The following CLASP2 variants were observed in gnomAD, a reference collection of about 807,000 sequenced individuals.
The protein encoded by CLASP2 is cytoplasmic linker associated protein 2.
CLASP2 carries 47 observed loss-of-function variants against 194.4 expected under a neutral mutation model. The observed-to-expected ratio is 0.24, with a 90% confidence interval of 0.19 to 0.31. The LOEUF (loss-of-function observed/expected upper bound fraction) is 0.31. CLASP2 is among the 10% of genes least tolerant of loss of function. The pLI, the probability that CLASP2 is intolerant of heterozygous loss-of-function variation, is 1.00. For missense variants in CLASP2, 1,445 were observed against 1,823.6 expected (o/e 0.79, Z 3.78); for synonymous variants, 619 against 633.5 (o/e 0.98, Z 0.34).
At chr3:33,684,305 C>G in intron 6 of CLASP2, 54 bp downstream of exon 6, 1 of 961,414 alleles carries the variant, frequency 1.0e-6, no homozygotes. Flanking sequence ...AAAATGAAAA[C>G]TTTTAAAACT....
In CLASP2 at chr3:33,607,452, G is replaced by A. The variant is rs374675164; in HGVS notation, c.1458C>T (p.Ala486=). 47 of 1,605,436 alleles carry A rather than the reference G, an allele frequency of 2.9e-5. No homozygotes were observed. Among genetic ancestry groups the A allele is most frequent in the African/African-American group, 1.6e-4 (12 of 74,780 alleles). Residue 486 remains alanine, a synonymous_variant, in exon 15 of 39, where the codon GCC becomes GCT. Transcript: ENST00000682230. The part of the protein sequence containing the change: ...WQTHSLERHA[A]VLVETIKKGI... Reference sequence around the variant, plus strand: ...CCTTTTTAATAGTTTCAACCAAGACGGCTGCATGTCTATAAAATAAAATAC... The same window carrying A: ...CCTTTTTAATAGTTTCAACCAAGACAGCTGCATGTCTATAAAATAAAATAC...
intron 1 of CLASP2, among the ~76,000 whole-genome samples, chr3:33,708,526 A>G (rs899071357): frequency 2.1e-4 from 19 of 91,108 alleles, no homozygotes; most frequent in Admixed American, 3.2e-4. Flanking sequence ...GTATATATGT[A>G]TATATATATG....
chr3:33,600,268 A>G (rs1235053156), intron 18 of CLASP2, among the ~76,000 whole-genome samples: 1 of 152,170 alleles, frequency 6.6e-6, no homozygotes, highest in East Asian at 1.9e-4. Context: ...AATAGGGCCA[A>G]GAGTGGACAT....
chr3:33,641,501 C>T (rs948008546), intron 8 of CLASP2, among the ~76,000 whole-genome samples: 3 of 151,490 alleles, frequency 2.0e-5, no homozygotes, highest in African/African-American at 2.4e-5. Flanking sequence ...TTCAAGTCTC[C>T]TTGGCTTAAA....
intron 1 of CLASP2, among the ~76,000 whole-genome samples, chr3:33,715,720 C>A (rs1368871321): frequency 2.0e-5 from 3 of 151,904 alleles, no homozygotes; most frequent in African/African-American, 7.3e-5. Context: ...TGAAGTACTA[C>A]CAATTCAAAG....
chr3:33,617,389 G>A (rs2076373296), intron 12 of CLASP2, among the ~76,000 whole-genome samples: 1 of 151,988 alleles, frequency 6.6e-6, no homozygotes, highest in East Asian at 1.9e-4. Flanking sequence ...TGGCTCAATT[G>A]GCTTTGTATT....
At chr3:33,713,622 T>C (rs1185158234) in intron 1 of CLASP2, among the ~76,000 whole-genome samples, 1 of 151,958 alleles carries the variant, frequency 6.6e-6, no homozygotes, top group Non-Finnish European at 1.5e-5. Flanking sequence ...AGAAAATACA[T>C]GAAATGCTAG....
At chr3:33,663,357 CTT>C in intron 7 of CLASP2, 86 bp downstream of exon 7, 1 of 877,572 alleles carries the variant, frequency 1.1e-6, no homozygotes, top group Non-Finnish European at 1.7e-6. Flanking sequence ...AAAATCAACT[CTT>C]TTGAATCAGT....
chr3:33,553,555 A>T (rs2060404909), intron 29 of CLASP2, among the ~76,000 whole-genome samples: 1 of 152,222 alleles, frequency 6.6e-6, no homozygotes, highest in Non-Finnish European at 1.5e-5. Context: ...CTGAATAGAC[A>T]TTTGTCAAAG....
chr3:33,566,692 C>T, intron 27 of CLASP2, 40 bp downstream of exon 27: 2 of 447,962 alleles, frequency 4.5e-6, no homozygotes, highest in South Asian at 3.2e-5. Context: ...CACAGTCATG[C>T]AGTAAAGTTA....
intron 26 of CLASP2, among the ~76,000 whole-genome samples, chr3:33,568,929 G>C (rs1378910988): frequency 1.3e-5 from 2 of 152,160 alleles, no homozygotes; most frequent in Non-Finnish European, 2.9e-5. Context: ...ACTCGGCACA[G>C]GATGGTGACA....
intron 1 of CLASP2, among the ~76,000 whole-genome samples, chr3:33,708,558 A>G (rs996606537): frequency 5.6e-4 from 82 of 146,284 alleles, no homozygotes; most frequent in African/African-American, 1.7e-3. Context: ...ATATATATAT[A>G]TATACATACA....
chr3:33,670,108 A>G (rs958457876), intron 6 of CLASP2, among the ~76,000 whole-genome samples: 1 of 152,166 alleles, frequency 6.6e-6, no homozygotes, highest in Non-Finnish European at 1.5e-5. Flanking sequence ...ATATACACGC[A>G]CACATATATA....
chr3:33,664,591 A>G (rs892552453), intron 6 of CLASP2, among the ~76,000 whole-genome samples: 8 of 152,352 alleles, frequency 5.3e-5, no homozygotes, highest in Middle Eastern at 3.4e-3. Context: ...GGAATTCATT[A>G]TAATAGGATT....
At chr3:33,651,787 G>A (rs983619705) in intron 7 of CLASP2, among the ~76,000 whole-genome samples, 3 of 151,144 alleles carry the variant, frequency 2.0e-5, no homozygotes, top group Non-Finnish European at 2.9e-5. Flanking sequence ...AGCCTCCTAA[G>A]TAGCTGGGAT....
chr3:33,693,869 CA>C (rs1474967887), intron 2 of CLASP2, among the ~76,000 whole-genome samples: 1 of 151,452 alleles, frequency 6.6e-6, no homozygotes, highest in African/African-American at 2.4e-5. Flanking sequence ...ACTATACATA[CA>C]TAAGAGTGTG....
At chr3:33,692,827 C>T (rs1418527928) in intron 2 of CLASP2, among the ~76,000 whole-genome samples, 4 of 152,164 alleles carry the variant, frequency 2.6e-5, no homozygotes. Context: ...ATCAATCTAT[C>T]ACAGACTGGA....
At chr3:33,706,553 CTTA>C (rs924547438) in intron 1 of CLASP2, among the ~76,000 whole-genome samples, 21 of 152,178 alleles carry the variant, frequency 1.4e-4, no homozygotes, top group Admixed American at 2.0e-4. Context: ...CTTTATAAAT[CTTA>C]TTGTTGTTGA....
chr3:33,556,854 G>A (rs1243330320), intron 29 of CLASP2, among the ~76,000 whole-genome samples: 1 of 152,136 alleles, frequency 6.6e-6, no homozygotes, highest in African/African-American at 2.4e-5. Context: ...CCAGCATAAT[G>A]TTTTCTAATA....
Sources: allele counts gnomAD v4.1 joint callset (sites outside exome capture counted in the v4.1 genomes callset), GRCh38; gene constraint gnomAD v4.1.1; transcripts MANE v1.5; gene names NCBI Gene and HGNC (gene_info 2026-07-23, HGNC 2026-07-21).